PIK3C2G: variants seen among roughly 807,000 people sequenced by gnomAD.
The protein encoded by PIK3C2G is phosphatidylinositol-4-phosphate 3-kinase catalytic subunit type 2 gamma, also known as phosphatidylinositol 3-kinase C2 domain-containing subunit gamma.
A neutral mutation model predicts 181.1 loss-of-function variants in PIK3C2G; 168 were observed. That is an observed-to-expected ratio of 0.93 (90% CI 0.82 to 1.05). The LOEUF (loss-of-function observed/expected upper bound fraction) is 1.05, where lower values mean the gene tolerates loss of function less well. Among genes scored for constraint, PIK3C2G ranks in the 50% least tolerant of loss-of-function variants. The pLI is 0.00. For synonymous variants in PIK3C2G, 573 were observed against 592.2 expected (o/e 0.97, Z 0.47); for missense variants, 1,869 against 1,732.8 (o/e 1.08, Z -1.40).
chr12:18,712,804 G>A, the PIK3C2G span: 1 of 1,604,496 alleles, frequency 6.2e-7, no homozygotes, highest in Middle Eastern at 1.7e-4. Flanking sequence ...AATTGCTTCT[G>A]TTTAAATAGC....
chr12:18,382,902 A>C (rs1942934071), intron 14 of PIK3C2G, among the ~76,000 whole-genome samples: 1 of 152,190 alleles, frequency 6.6e-6, no homozygotes, highest in African/African-American at 2.4e-5. Flanking sequence ...ATGGAAAGGA[A>C]AAATTAATGC....
At chr12:18,723,252 A>G in the PIK3C2G span, 1 of 1,462,492 alleles carries the variant, frequency 6.8e-7, no homozygotes, top group African/African-American at 1.4e-5. Flanking sequence ...TAATTTTTGA[A>G]AAAAGAAAAA....
intron 31 of PIK3C2G, among the ~76,000 whole-genome samples, chr12:18,614,333 C>CCT (rs774941751): frequency 6.6e-6 from 1 of 151,964 alleles, no homozygotes; most frequent in Admixed American, 6.6e-5. Flanking sequence ...AAACATTGAC[C>CCT]CTCAAAGATG....
At chr12:18,512,229 T>A (rs1565464456) in intron 24 of PIK3C2G, among the ~76,000 whole-genome samples, 1 of 151,954 alleles carries the variant, frequency 6.6e-6, no homozygotes, top group Non-Finnish European at 1.5e-5. Context: ...TTATAATATG[T>A]CTTGAAGTTG....
intron 18 of PIK3C2G, among the ~76,000 whole-genome samples, chr12:18,425,581 A>G (rs1945760330): frequency 6.6e-6 from 1 of 151,760 alleles, no homozygotes; most frequent in Admixed American, 6.6e-5. Context: ...TGGTAGAGAC[A>G]GGGTTTCACC....
chr12:18,273,057 G>GAA (rs1948812497), intron 1 of PIK3C2G, among the ~76,000 whole-genome samples: 1 of 151,536 alleles, frequency 6.6e-6, no homozygotes, highest in Non-Finnish European at 1.5e-5. Context: ...GAGAGAGAGA[G>GAA]TGAGAAAGAG....
the PIK3C2G span, among the ~76,000 whole-genome samples, chr12:18,725,321 A>G: frequency 6.6e-6 from 1 of 152,138 alleles, no homozygotes; most frequent in African/African-American, 2.4e-5. Flanking sequence ...AGAAGGTGCA[A>G]TTTGAGTGCT....
At chr12:18,529,705 A>G (rs1050545679) in intron 24 of PIK3C2G, among the ~76,000 whole-genome samples, 13 of 152,170 alleles carry the variant, frequency 8.5e-5, no homozygotes, top group African/African-American at 3.1e-4. Context: ...GAGTTCATTT[A>G]TTACAATTAG....
At chr12:18,626,446 A>T (rs1949103202) in intron 31 of PIK3C2G, among the ~76,000 whole-genome samples, 1 of 151,922 alleles carries the variant, frequency 6.6e-6, no homozygotes, top group African/African-American at 2.4e-5. Context: ...TACTTTACAC[A>T]CCACCGTTAT....
chr12:18,647,046 G>A (rs919900216), intron 32 of PIK3C2G, among the ~76,000 whole-genome samples: 18 of 151,624 alleles, frequency 1.2e-4, no homozygotes, highest in African/African-American at 4.4e-4. Context: ...GTCTCCCAAT[G>A]GTGAAAATTC....
At chr12:18,478,697 G>T (rs1249651157) in intron 18 of PIK3C2G, among the ~76,000 whole-genome samples, 1 of 152,118 alleles carries the variant, frequency 6.6e-6, no homozygotes, top group Non-Finnish European at 1.5e-5. Context: ...TATATTTAAG[G>T]CTGGGCATGG....
intron 29 of PIK3C2G, among the ~76,000 whole-genome samples, chr12:18,583,009 A>T (rs2136432832): frequency 6.6e-6 from 1 of 152,106 alleles, no homozygotes; most frequent in Non-Finnish European, 1.5e-5. Context: ...CAGGTGCTAG[A>T]GAGTCCGGGG....
chr12:18,272,302 TGG>T (rs1420861805), intron 1 of PIK3C2G, among the ~76,000 whole-genome samples: 1 of 152,152 alleles, frequency 6.6e-6, no homozygotes, highest in African/African-American at 2.4e-5. Context: ...TCCTGGGCCT[TGG>T]TAATTAAATC....
At chr12:18,471,071 T>A (rs1938411732) in intron 18 of PIK3C2G, among the ~76,000 whole-genome samples, 1 of 152,152 alleles carries the variant, frequency 6.6e-6, no homozygotes, top group Non-Finnish European at 1.5e-5. Context: ...TAAACTATTT[T>A]TCTTCCCTCC....
At chr12:18,351,832 ATGTGT>A (rs1940244945) in intron 11 of PIK3C2G, among the ~76,000 whole-genome samples, 1 of 152,190 alleles carries the variant, frequency 6.6e-6, no homozygotes, top group Admixed American at 6.5e-5. Context: ...GTTCTGAGAA[ATGTGT>A]TGTGAGGCAT....
At chr12:18,511,441 C>A (rs922599392) in intron 24 of PIK3C2G, among the ~76,000 whole-genome samples, 4 of 152,052 alleles carry the variant, frequency 2.6e-5, no homozygotes, top group African/African-American at 9.7e-5. Context: ...TATGTTCCCA[C>A]AAACATTGCA....
chr12:18,691,690 C>A, the PIK3C2G span, among the ~76,000 whole-genome samples: 1 of 152,120 alleles, frequency 6.6e-6, no homozygotes, highest in Admixed American at 6.6e-5. Context: ...AAAAAGATGT[C>A]AACATTATAA....
chr12:18,657,250 G>A, the PIK3C2G span, among the ~76,000 whole-genome samples: 16 of 152,260 alleles, frequency 1.1e-4, no homozygotes, highest in South Asian at 6.2e-4. Context: ...ACCTGGGGGC[G>A]AAAGACTGGG....
chr12:18,246,174 G>A (rs959040963), upstream of PIK3C2G, among the ~76,000 whole-genome samples: 1 of 152,072 alleles, frequency 6.6e-6, no homozygotes, highest in Admixed American at 6.6e-5. Context: ...CAAAACTGAA[G>A]GCCAGAGAAA....
Sources: allele counts gnomAD v4.1 joint callset (sites outside exome capture counted in the v4.1 genomes callset), GRCh38; gene constraint gnomAD v4.1.1; transcripts MANE v1.5; gene names NCBI Gene and HGNC (gene_info 2026-07-23, HGNC 2026-07-21).